The following LMAN2L variants were observed in gnomAD, a reference collection of about 807,000 sequenced individuals.
LMAN2L encodes the protein lectin, mannose binding 2 like.
LMAN2L carries 30 observed loss-of-function variants against 44.3 expected under a neutral mutation model. The ratio of observed to expected loss-of-function variants is 0.68; its 90% CI spans 0.51 to 0.92. The LOEUF is 0.92. Ranked by LOEUF, LMAN2L falls within the 40% of genes least tolerant of loss-of-function variation. The pLI, the probability that LMAN2L is intolerant of heterozygous loss-of-function variation, is 0.00. For synonymous variants in LMAN2L, 183 were observed against 171.1 expected, an observed-to-expected ratio of 1.07 and a Z score of -0.54; for missense variants, 429 against 446.1, an observed-to-expected ratio of 0.96 and a Z score of 0.35.
chr2:96,714,090 C>A (rs1474247411), intron 4 of LMAN2L, among the ~76,000 whole-genome samples: 1 of 152,082 alleles, frequency 6.6e-6, no homozygotes. Flanking sequence ...AAACAAACAA[C>A]AAAGAAGCAA....
At chr2:96,722,893 G>A (rs1289092492) in intron 4 of LMAN2L, among the ~76,000 whole-genome samples, 3 of 152,042 alleles carry the variant, frequency 2.0e-5, no homozygotes, top group Admixed American at 6.6e-5. Flanking sequence ...GGTGGCAGGC[G>A]CCTGTAATCC....
intron 6 of LMAN2L, among the ~76,000 whole-genome samples, chr2:96,709,237 T>C (rs866093609): frequency 6.6e-6 from 1 of 152,184 alleles, no homozygotes; most frequent in Admixed American, 6.5e-5. Flanking sequence ...TAGATTCTTA[T>C]TGATGCTCAA....
At position 96,734,466 on chromosome 2, in the gene LMAN2L, T is replaced by C; in HGVS notation, c.367A>G (p.Lys123Glu). 1 of 1,614,048 alleles carries C rather than the reference T, an allele frequency of 6.2e-7. No individual in the cohort carries two copies. ...GCCAAGCCATCCCCATGCAGATTCTTCTTTCCTTGTCCATGGATTTTGAAG... is the reference window on the plus strand; with the variant it reads ...GCCAAGCCATCCCCATGCAGATTCTCCTTTCCTTGTCCATGGATTTTGAAG... The part of the protein sequence containing the change: ...VHFKIHGQGK[K>E]NLHGDGLAIW... Residue 123 changes from lysine to glutamate, a missense_variant, in exon 3 of 8, where the codon AAG becomes GAG. Coordinates refer to ENST00000264963, the MANE Select transcript of LMAN2L (RefSeq NM_030805.4).
At position 96,707,352 on chromosome 2, in the gene LMAN2L, G is replaced by A. The variant is rs999486507; in HGVS notation, c.951C>T (p.Ile317=). The change falls in exon 8 of 8, where the codon ATC becomes ATT. Residue 317 remains isoleucine, a synonymous_variant. Transcript: ENST00000264963. ...PPLSGLALFL[I]VFFSLVFSVF... ...CAGAAAACACCAGGGAGAAAAAGACGATGAGGAAGAGGGCCAGGCCACTCA... is the reference window on the plus strand; with the variant it reads ...CAGAAAACACCAGGGAGAAAAAGACAATGAGGAAGAGGGCCAGGCCACTCA... 5 of 1,613,690 alleles carry A rather than the reference G, an allele frequency of 3.1e-6. No individual in the cohort carries two copies. Among genetic ancestry groups the A allele is most frequent in the East Asian group, 2.2e-5 (1 of 44,872 alleles).
At chr2:96,732,791 C>CTTTTT (rs567344079) in intron 4 of LMAN2L, among the ~76,000 whole-genome samples, 1 of 141,906 alleles carries the variant, frequency 7.0e-6, no homozygotes, top group Non-Finnish European at 1.5e-5. Context: ...TTCTTTCTTT[C>CTTTTT]TTTTTTTTTT....
chr2:96,707,704 C>T lies in LMAN2L; in HGVS notation c.904+10G>A. The T allele has an allele frequency of 6.2e-7, 1 of 1,613,948 alleles. No homozygotes were observed. Among genetic ancestry groups the T allele is most frequent in the Non-Finnish European group, 8.5e-7 (1 of 1,179,950 alleles). On this transcript the variant is annotated intron_variant, in intron 7 of 7. Transcript: ENST00000264963. ...CTATGGGACCATTTCCCGCGGGCCCCTGTGCTCACTCTCAGGCAGCTTCAT... is the reference window on the plus strand; with the variant it reads ...CTATGGGACCATTTCCCGCGGGCCCTTGTGCTCACTCTCAGGCAGCTTCAT...
At position 96,706,651 on chromosome 2, in the gene LMAN2L, G is replaced by A. The variant is rs1202197737; in HGVS notation, c.*605C>T. Reference sequence around the variant, plus strand: ...ATGAAGGCCAGTGAAACGCAGGTGTGTTCTGCAGCCCCAGGCCCCAACAGA... The same window carrying A: ...ATGAAGGCCAGTGAAACGCAGGTGTATTCTGCAGCCCCAGGCCCCAACAGA... On this transcript the variant is annotated 3_prime_UTR_variant, in exon 8 of 8. Coordinates refer to ENST00000264963, the MANE Select transcript of LMAN2L (RefSeq NM_030805.4). 3 of 152,486 alleles carry A rather than the reference G, an allele frequency of 2.0e-5. No individual in the cohort carries two copies. The highest frequency in any genetic ancestry group is 4.4e-5 in the Non-Finnish European group (3 of 68,268). 9.4% of individuals were successfully genotyped at this position (152,486 alleles called of 1,614,324 possible). A position where few individuals can be genotyped will look rare whatever the true frequency, so the allele number is the denominator to read the frequency against.
rs1258286714 is a variant in LMAN2L at position 96,711,715 on chromosome 2, C to T, written c.725G>A (p.Gly242Glu). The change falls in exon 6 of 8, where the codon GGA becomes GAA. Residue 242 changes from glycine to glutamate, a missense_variant. Gly to Glu is a moderately conservative substitution (Grantham distance 98). Coordinates refer to ENST00000264963, the MANE Select transcript of LMAN2L (RefSeq NM_030805.4). The stretch of plus-strand genomic sequence containing the variant: ...GTAGTAGCCGCGGGGCAGGCGGACT[C>T]CGGGCACTTCAATGCAGTCCCTCCA... ...HEWRDCIEVPGVRLPRGYYFG... is the reference protein window; with the variant it reads ...HEWRDCIEVPEVRLPRGYYFG... 6.2e-7 allele frequency: 1 copy of T among 1,614,170 alleles called. No homozygotes were observed.
In LMAN2L at chr2:96,711,886, CG is replaced by C. The variant is rs2077928668; in HGVS notation, c.646del (p.Arg216AlafsTer7). 1 of 1,614,076 alleles carries C rather than the reference CG, an allele frequency of 6.2e-7. No homozygotes were observed. The highest frequency in any genetic ancestry group is 8.5e-7 in the Non-Finnish European group (1 of 1,180,044). ...CACCGTCAAATGCCTCTTGACGTAGCGAATCACCAGGAAGGTGTCGTAATGA... is the reference window on the plus strand; with the variant it reads ...CACCGTCAAATGCCTCTTGACGTAGCAATCACCAGGAAGGTGTCGTAATGA... ...NLHYDTFLVI[R>X]YVKRHLTIMM... On this transcript the variant is annotated frameshift_variant, in exon 5 of 8. Transcript: ENST00000264963. LOFTEE classifies it high-confidence loss of function.
In LMAN2L at chr2:96,707,224, G is replaced by T; in HGVS notation, c.*32C>A. On this transcript the variant is annotated 3_prime_UTR_variant, in exon 8 of 8. Transcript: ENST00000264963. The stretch of plus-strand genomic sequence containing the variant: ...CCTGCTCCTTCCATACCTCATGGGT[G>T]ACAGTCACAAAAGTGGTGGCAGCAG... 6.2e-7 allele frequency: 1 copy of T among 1,609,142 alleles called. No homozygotes were observed. Among genetic ancestry groups the T allele is most frequent in the South Asian group, 1.1e-5 (1 of 90,558 alleles).
chr2:96,710,291 G>A (rs1023118036), intron 6 of LMAN2L, among the ~76,000 whole-genome samples: 6 of 152,294 alleles, frequency 3.9e-5, no homozygotes, highest in Admixed American at 6.5e-5. Context: ...TTCTTCTGTT[G>A]TATGGAAAGC....
chr2:96,721,750 G>A (rs1271089808), intron 4 of LMAN2L, among the ~76,000 whole-genome samples: 1 of 151,980 alleles, frequency 6.6e-6, no homozygotes, highest in African/African-American at 2.4e-5. Context: ...AAAGTGTTGG[G>A]ATTATAGGCA....
chr2:96,725,153 T>C (rs1574016366), intron 4 of LMAN2L, among the ~76,000 whole-genome samples: 1 of 151,722 alleles, frequency 6.6e-6, no homozygotes, highest in Non-Finnish European at 1.5e-5. Flanking sequence ...AGAGACGGGG[T>C]TTCACCATCT....
At chr2:96,729,015 A>G (rs2078335182) in intron 4 of LMAN2L, among the ~76,000 whole-genome samples, 1 of 151,834 alleles carries the variant, frequency 6.6e-6, no homozygotes, top group Admixed American at 6.6e-5. Context: ...TACTAAAAAT[A>G]TAAAAAATTA....
chr2:96,733,396 C>A, intron 4 of LMAN2L, 123 bp downstream of exon 4: 1 of 704,934 alleles, frequency 1.4e-6, no homozygotes. Flanking sequence ...CATTAACTTT[C>A]AAAGTTCAAC....
intron 4 of LMAN2L, among the ~76,000 whole-genome samples, chr2:96,723,872 A>G (rs943944948): frequency 2.6e-5 from 4 of 152,102 alleles, no homozygotes; most frequent in African/African-American, 7.2e-5. Flanking sequence ...GTGGATCACG[A>G]GATCAGGAGA....
At chr2:96,731,049 C>T (rs963847005) in intron 4 of LMAN2L, among the ~76,000 whole-genome samples, 7 of 152,130 alleles carry the variant, frequency 4.6e-5, no homozygotes, top group Non-Finnish European at 1.0e-4. Context: ...ACTCTGCAGA[C>T]CTCAACCTAA....
At chr2:96,739,760 G>T (rs1002524628) in intron 1 of LMAN2L, 94 bp downstream of exon 1, 49 of 1,311,210 alleles carry the variant, frequency 3.7e-5, no homozygotes, top group Non-Finnish European at 4.8e-5. Context: ...GTTTCCTCCG[G>T]GCCACGAAGC....
intron 4 of LMAN2L, among the ~76,000 whole-genome samples, chr2:96,725,678 C>T (rs1270602892): frequency 1.3e-5 from 2 of 151,548 alleles, no homozygotes; most frequent in Non-Finnish European, 2.9e-5. Context: ...ATCTCCTGAC[C>T]TTGTCATCTG....
Sources: allele counts gnomAD v4.1 joint callset (sites outside exome capture counted in the v4.1 genomes callset), GRCh38; gene constraint gnomAD v4.1.1; transcripts MANE v1.5; gene names NCBI Gene and HGNC (gene_info 2026-07-23, HGNC 2026-07-21).